Variants in CHST8 observed in about 807,000 individuals in gnomAD.
CHST8 encodes GALNAC-4-ST1.
A neutral mutation model predicts 15.0 loss-of-function variants in CHST8; 10 were observed. The observed-to-expected ratio is 0.67, with a 90% CI of 0.41 to 1.13. The LOEUF (loss-of-function observed/expected upper bound fraction) is 1.13, where lower values mean the gene tolerates loss of function less well. Among genes scored for constraint, CHST8 ranks in the 50% most tolerant of loss-of-function variants. The probability of loss-of-function intolerance (pLI) is 0.00; values close to 1 mark genes in which losing one functional copy is unlikely to be tolerated. For missense variants in CHST8, 634 were observed against 608.2 expected (o/e 1.04, Z -0.45); for synonymous variants, 259 against 256.6 (o/e 1.01, Z -0.09).
chr19:33,770,717 T>C (rs1974962036), intron 3 of CHST8, among the ~76,000 whole-genome samples: 1 of 152,072 alleles, frequency 6.6e-6, no homozygotes. Flanking sequence ...AGGTCATCAG[T>C]AAGTTAACGC....
intron 1 of CHST8, among the ~76,000 whole-genome samples, chr19:33,634,275 C>T (rs1270952623): frequency 2.0e-5 from 3 of 152,120 alleles, no homozygotes; most frequent in South Asian, 2.1e-4. Flanking sequence ...ATGAGTATGC[C>T]GAGGTATCAC....
chr19:33,763,449 G>A (rs915790518), intron 3 of CHST8, among the ~76,000 whole-genome samples: 35 of 152,342 alleles, frequency 2.3e-4, no homozygotes, highest in African/African-American at 8.4e-4. Context: ...TGACCACAGA[G>A]CTGTCATCAG....
At chr19:33,668,339 G>A (rs1373584117) in intron 2 of CHST8, among the ~76,000 whole-genome samples, 1 of 152,196 alleles carries the variant, frequency 6.6e-6, no homozygotes, top group African/African-American at 2.4e-5. Flanking sequence ...CCTTGGGAGA[G>A]CCTTCGCTGG....
chr19:33,737,033 A>G (rs1030752564), intron 3 of CHST8, among the ~76,000 whole-genome samples: 3 of 152,150 alleles, frequency 2.0e-5, no homozygotes, highest in African/African-American at 7.2e-5. Flanking sequence ...GCACCATGAC[A>G]GTTTACAGAT....
intron 3 of CHST8, among the ~76,000 whole-genome samples, chr19:33,745,142 C>T (rs745602247): frequency 5.9e-5 from 9 of 152,166 alleles, no homozygotes; most frequent in Non-Finnish European, 1.3e-4. Context: ...CCTGGACTCC[C>T]AAAGTGTTGG....
At chr19:33,666,913 GCTGGTCTTGAACTC>G (rs1289876018) in intron 1 of CHST8, among the ~76,000 whole-genome samples, 2 of 152,102 alleles carry the variant, frequency 1.3e-5, no homozygotes, top group Non-Finnish European at 2.9e-5. Flanking sequence ...TGTTGCCCAG[GCTGGTCTTGAACTC>G]CTGGCCTCAA....
chr19:33,747,579 AC>A (rs749147705), intron 3 of CHST8, among the ~76,000 whole-genome samples: 12 of 152,092 alleles, frequency 7.9e-5, no homozygotes, highest in Non-Finnish European at 1.3e-4. Flanking sequence ...ACACACATAC[AC>A]ACTACTAAGA....
At chr19:33,627,020 C>T (rs534438291) in intron 1 of CHST8, among the ~76,000 whole-genome samples, 186 of 148,274 alleles carry the variant, frequency 1.3e-3, no homozygotes, top group African/African-American at 4.3e-3. Context: ...GAACTTCTTG[C>T]CTCAAGCAAT....
At chr19:33,716,828 C>G (rs1028237574) in intron 3 of CHST8, among the ~76,000 whole-genome samples, 5 of 152,132 alleles carry the variant, frequency 3.3e-5, no homozygotes, top group Non-Finnish European at 7.4e-5. Context: ...TGTGTTTTTT[C>G]ACAGTCCTGG....
At chr19:33,761,021 C>A (rs1215858439) in intron 3 of CHST8, among the ~76,000 whole-genome samples, 1 of 152,234 alleles carries the variant, frequency 6.6e-6, no homozygotes, top group Non-Finnish European at 1.5e-5. Context: ...CAGGATCATT[C>A]CGCGTGGTGT....
chr19:33,687,831 C>T (rs1973011919), intron 2 of CHST8, among the ~76,000 whole-genome samples: 2 of 152,086 alleles, frequency 1.3e-5, no homozygotes, highest in Admixed American at 6.6e-5. Context: ...TGCCTGGGTC[C>T]GTGTTGGGGA....
At chr19:33,719,573 C>T (rs116101434) in intron 3 of CHST8, among the ~76,000 whole-genome samples, 240 of 151,950 alleles carry the variant, frequency 1.6e-3, no homozygotes, top group African/African-American at 5.4e-3. Flanking sequence ...AGACAGAACT[C>T]GGGGGGACAC....
chr19:33,685,431 G>A (rs1307827503), intron 2 of CHST8, among the ~76,000 whole-genome samples: 1 of 151,548 alleles, frequency 6.6e-6, no homozygotes, highest in African/African-American at 2.4e-5. Context: ...AGGAGGACTA[G>A]GAATTGTGAG....
At chr19:33,764,132 C>G (rs1427994961) in intron 3 of CHST8, among the ~76,000 whole-genome samples, 2 of 152,234 alleles carry the variant, frequency 1.3e-5, no homozygotes, top group African/African-American at 2.4e-5. Context: ...CCATACCCTT[C>G]CTCATGTCCA....
chr19:33,676,239 C>T (rs901369552), intron 2 of CHST8, among the ~76,000 whole-genome samples: 3 of 152,206 alleles, frequency 2.0e-5, no homozygotes, highest in South Asian at 2.1e-4. Flanking sequence ...GTCTAAAGGT[C>T]TGCATTGCTA....
chr19:33,741,288 T>A (rs1009358515), intron 3 of CHST8, among the ~76,000 whole-genome samples: 1 of 152,242 alleles, frequency 6.6e-6, no homozygotes, highest in African/African-American at 2.4e-5. Flanking sequence ...GCCTGTTGTA[T>A]GTCAGGTTCC....
chr19:33,695,462 C>T (rs756561482), intron 3 of CHST8, among the ~76,000 whole-genome samples: 11 of 152,044 alleles, frequency 7.2e-5, no homozygotes, highest in East Asian at 1.9e-4. Flanking sequence ...TTTTTGGTTA[C>T]GTGGGTAAGT....
intron 1 of CHST8, among the ~76,000 whole-genome samples, chr19:33,647,511 A>C (rs1305637449): frequency 2.0e-5 from 3 of 152,186 alleles, no homozygotes; most frequent in African/African-American, 7.2e-5. Flanking sequence ...GATTGTGAAT[A>C]GGGATAACTC....
At chr19:33,684,364 C>T (rs1253902600) in intron 2 of CHST8, among the ~76,000 whole-genome samples, 3 of 152,202 alleles carry the variant, frequency 2.0e-5, no homozygotes, top group Non-Finnish European at 4.4e-5. Flanking sequence ...CCTGGGTGTG[C>T]CAAGGCCCGG....
Sources: allele counts gnomAD v4.1 joint callset (sites outside exome capture counted in the v4.1 genomes callset), GRCh38; gene constraint gnomAD v4.1.1; transcripts MANE v1.5; gene names NCBI Gene and HGNC (gene_info 2026-07-23, HGNC 2026-07-21).